Variants in FOXK1 observed in about 807,000 individuals in gnomAD.
FOXK1 encodes the protein forkhead box protein K1.
Under a neutral mutation model 51.9 loss-of-function variants are expected in FOXK1, and 19 were observed. The observed-to-expected ratio is 0.37, with a 90% CI of 0.26 to 0.54. The LOEUF (loss-of-function observed/expected upper bound fraction) is 0.54. Ranked by LOEUF, FOXK1 falls within the 20% of genes least tolerant of loss-of-function variation. The pLI, the probability that FOXK1 is intolerant of heterozygous loss-of-function variation, is 0.87. For synonymous variants in FOXK1, 537 were observed against 482.6 expected, an observed-to-expected ratio of 1.11 and a Z score of -1.48; for missense variants, 870 against 1,032.7, an observed-to-expected ratio of 0.84 and a Z score of 2.16.
intron 1 of FOXK1, among the ~76,000 whole-genome samples, chr7:4,721,200 A>G (rs1413509988): frequency 2.0e-5 from 3 of 152,160 alleles, no homozygotes; most frequent in Non-Finnish European, 2.9e-5. Flanking sequence ...GCTTGGCTCA[A>G]TGCAGCAGCT....
Position 4,762,097 on chromosome 7 carries a change from G to C in FOXK1, c.1922-87G>C, listed in dbSNP as rs1780940001. On this transcript the variant is annotated intron_variant, in intron 8 of 8. Coordinates refer to ENST00000328914, the MANE Select transcript of FOXK1 (RefSeq NM_001037165.2). The surrounding 1 kb of genome is among the most constrained non-coding windows in gnomAD (Gnocchi z 5.7). Reference sequence around the variant, plus strand: ...TGCACTGACCTCCGGTTCCGGCTTGGTGGCTTAGCCCCTGTATAGGGGACT... The same window carrying C: ...TGCACTGACCTCCGGTTCCGGCTTGCTGGCTTAGCCCCTGTATAGGGGACT... 10 of 1,446,206 alleles carry C rather than the reference G, an allele frequency of 6.9e-6. No individual in the cohort carries two copies. In the Admixed American group the frequency reaches 9.2e-5, roughly 13 times the overall value. 89.6% of individuals were successfully genotyped at this position (1,446,206 alleles called of 1,614,324 possible). A position where few individuals can be genotyped will look rare whatever the true frequency, so the allele number is the denominator to read the frequency against.
chr7:4,712,731 T>C (rs1220803961), intron 1 of FOXK1, among the ~76,000 whole-genome samples: 1 of 152,182 alleles, frequency 6.6e-6, no homozygotes, highest in African/African-American at 2.4e-5. Context: ...CCCTCTCAGA[T>C]AGGAGATACT....
At position 4,708,779 on chromosome 7, in the gene FOXK1, G is replaced by T. The variant is rs563022017; in HGVS notation, c.560+25911G>T. Among the ~76,000 whole-genome samples the T allele has an allele frequency of 2.6e-5, 4 of 152,208 alleles. No individual in the cohort carries two copies. The East Asian group carries it at 7.8e-4, about 30-fold the overall frequency. The stretch of plus-strand genomic sequence containing the variant: ...AGTGCTGCTTTTAGAAAAGAGGCTG[G>T]TAAGGCCGGGCTTGGTGGCTCACGC... On this transcript the variant is annotated intron_variant, in intron 1 of 8. Coordinates refer to ENST00000328914, the MANE Select transcript of FOXK1 (RefSeq NM_001037165.2).
At chr7:4,737,229 A>T (rs1333835813) in intron 1 of FOXK1, among the ~76,000 whole-genome samples, 1 of 152,314 alleles carries the variant, frequency 6.6e-6, no homozygotes, top group East Asian at 1.9e-4. Flanking sequence ...CCATATTAAC[A>T]TAGGGACTTT....
At chr7:4,720,674 A>T (rs1237343419) in intron 1 of FOXK1, among the ~76,000 whole-genome samples, 1 of 151,220 alleles carries the variant, frequency 6.6e-6, no homozygotes, top group Non-Finnish European at 1.5e-5. Context: ...ACCTGTTGGA[A>T]ACTGGCTTTG....
intron 1 of FOXK1, among the ~76,000 whole-genome samples, chr7:4,719,729 G>T (rs929350322): frequency 1.4e-4 from 22 of 152,044 alleles, no homozygotes; most frequent in African/African-American, 5.3e-4. Flanking sequence ...TGATCCACCC[G>T]CTTTGGCCTC....
rs549119705 is a variant in FOXK1, at chr7:4,753,190, T to C, written c.747-1269T>C. Among the ~76,000 whole-genome samples, 2 of 152,320 alleles carry C rather than the reference T, an allele frequency of 1.3e-5. No individual in the cohort carries two copies. Among genetic ancestry groups the C allele is most frequent in the South Asian group, 4.1e-4 (2 of 4,832 alleles). On this transcript the variant is annotated intron_variant, in intron 2 of 8. Transcript: ENST00000328914. This position sits in a 1 kb window ranked among gnomAD's most constrained non-coding sequence, Gnocchi z 4.9. ...CCCAGACCTGAACTGATCATTAATG[T>C]CAGCTGTCAGGTTTTTCTCAGCCAC...
intron 1 of FOXK1, among the ~76,000 whole-genome samples, chr7:4,713,878 T>C (rs1322466875): frequency 3.3e-5 from 5 of 152,024 alleles, no homozygotes; most frequent in Non-Finnish European, 7.4e-5. Flanking sequence ...CAGGCTGGAG[T>C]GCAGTGGCGT....
chr7:4,682,504 G>A lies in FOXK1; in HGVS notation c.196G>A (p.Ala66Thr). 1.9e-6 allele frequency: 2 copies of A among 1,043,664 alleles called. No individual in the cohort carries two copies. Among genetic ancestry groups the A allele is most frequent in the Non-Finnish European group, 2.3e-6 (2 of 869,928 alleles). 64.7% of individuals were successfully genotyped at this position (1,043,664 alleles called of 1,614,324 possible). A position where few individuals can be genotyped will look rare whatever the true frequency, so the allele number is the denominator to read the frequency against. Residue 66 changes from alanine to threonine, a missense_variant, in exon 1 of 9, where the codon GCG becomes ACG. Transcript: ENST00000328914. This position sits in a 1 kb window ranked among gnomAD's most constrained non-coding sequence, Gnocchi z 7.6. ...ACCGCCGCTGCCTCCGGGCGCGATCGCGGGCGCGGGCTCCTCCGGGGGCTC... is the reference window on the plus strand; with the variant it reads ...ACCGCCGCTGCCTCCGGGCGCGATCACGGGCGCGGGCTCCTCCGGGGGCTC... ...PPPPLPPGAI[A>T]GAGSSGGSSG...
At position 4,762,229 on chromosome 7, in the gene FOXK1, C is replaced by A; in HGVS notation, c.1967C>A (p.Ser656Tyr). 1 of 1,554,818 alleles carries A rather than the reference C, an allele frequency of 6.4e-7. No individual in the cohort carries two copies. The highest frequency in any genetic ancestry group is 2.4e-5 in the East Asian group (1 of 41,040). ...CTCCTTGCGACCCAAGCGAGTTCAT[C>A]CGCGCCGGTGGTGGTCACCCGGGTG... ...LQLLATQASS[S>Y]APVVVTRVCE... Residue 656 changes from serine to tyrosine, a missense_variant, in exon 9 of 9, where the codon TCC (serine) becomes TAC (tyrosine). Ser to Tyr is a moderately radical substitution (Grantham distance 144). Transcript: ENST00000328914. This position sits in a 1 kb window ranked among gnomAD's most constrained non-coding sequence, Gnocchi z 5.7.
intron 1 of FOXK1, among the ~76,000 whole-genome samples, chr7:4,695,498 G>A (rs55705271): frequency 1.3e-5 from 2 of 152,130 alleles, no homozygotes; most frequent in Non-Finnish European, 2.9e-5. Context: ...ATGTGTGGCT[G>A]TTGAGTGTTT....
intron 1 of FOXK1, among the ~76,000 whole-genome samples, chr7:4,693,072 G>A (rs1213183425): frequency 3.9e-5 from 6 of 152,146 alleles, no homozygotes; most frequent in Admixed American, 6.6e-5. Context: ...ACTGTGTTAC[G>A]TTAAAACCTA....
rs1779759858 is a variant in FOXK1 at position 4,682,469 on chromosome 7, CGCCGCCGCCACCGCCGCT to C, written c.165_182del (p.Pro57_Pro62del). 1.0e-6 allele frequency: 1 copy of C among 985,736 alleles called. No individual in the cohort carries two copies. The highest frequency in any genetic ancestry group is 1.2e-6 in the Non-Finnish European group (1 of 831,924). 61.1% of individuals were successfully genotyped at this position (985,736 alleles called of 1,614,324 possible). A position where few individuals can be genotyped will look rare whatever the true frequency, so the allele number is the denominator to read the frequency against. On this transcript the variant is annotated inframe_deletion, in exon 1 of 9. Coordinates refer to ENST00000328914, the MANE Select transcript of FOXK1 (RefSeq NM_001037165.2). This position sits in a 1 kb window ranked among gnomAD's most constrained non-coding sequence, Gnocchi z 7.6. Reference sequence around the variant, plus strand: ...CCCCAGCCTCCGCCCGGGCCGCCGCCGCCGCCGCCACCGCCGCTGCCTCCGGGCGCGATCGCGGGCGCG... The same window carrying C: ...CCCCAGCCTCCGCCCGGGCCGCCGCCGCCTCCGGGCGCGATCGCGGGCGCG...
rs182697832 is a variant in FOXK1, at chr7:4,768,892, G to T, written c.*6428G>T. ...GTCCTTGGAGAATGAAACCCTGAGG[G>T]TCAGTGAGTGGAGGCCTTCCCTCGG... is the stretch of plus-strand genomic sequence containing the variant. On this transcript the variant is annotated 3_prime_UTR_variant, in exon 9 of 9. Transcript: ENST00000328914. 1.3e-5 allele frequency: 2 copies of T among 152,384 alleles called. No individual in the cohort carries two copies. The highest frequency in any genetic ancestry group is 1.5e-5 in the Non-Finnish European group (1 of 68,064). 9.4% of individuals were successfully genotyped at this position (152,384 alleles called of 1,614,324 possible).
Position 4,762,842 on chromosome 7 carries a change from C to G in FOXK1, c.*378C>G, listed in dbSNP as rs1460573739. On this transcript the variant is annotated 3_prime_UTR_variant, in exon 9 of 9. Transcript: ENST00000328914. This position sits in a 1 kb window ranked among gnomAD's most constrained non-coding sequence, Gnocchi z 5.7. ...GCGCTGCACGGCCAGCCGCCTTTGT[C>G]CGGGAGGACAGACAGAAACGCAGCA... The G allele has an allele frequency of 4.9e-6, 1 of 203,632 alleles. No homozygotes were observed. The highest frequency in any genetic ancestry group is 1.0e-5 in the Non-Finnish European group (1 of 99,606). The allele number at this position is 203,632 out of a possible 1,614,324, so 12.6% of individuals were successfully genotyped here. A position where few individuals can be genotyped will look rare whatever the true frequency, so the allele number is the denominator to read the frequency against.
rs536591759 is a variant in FOXK1 at position 4,739,721 on chromosome 7, G to A, written c.561-1117G>A. Reference sequence around the variant, plus strand: ...TGGGTGGATAATGCACGCTCTCTGCGACTCCCGCCTGCCGGAGCAGGGGTG... The same window carrying A: ...TGGGTGGATAATGCACGCTCTCTGCAACTCCCGCCTGCCGGAGCAGGGGTG... On this transcript the variant is annotated intron_variant, in intron 1 of 8. Transcript: ENST00000328914. Among the ~76,000 whole-genome samples the A allele has an allele frequency of 7.9e-5, 12 of 152,336 alleles. No homozygotes were observed. In the South Asian group the frequency reaches 1.0e-3, roughly 13 times the overall value.
In FOXK1 at chr7:4,749,379, T is replaced by C. The variant is rs1025334824; in HGVS notation, c.747-5080T>C. ...CTTGGCCGGCTGTTGTGTTTAACAG[T>C]GAGGTCCTAAAAACCCTCTTAGAGC... is the stretch of plus-strand genomic sequence containing the variant. On this transcript the variant is annotated intron_variant, in intron 2 of 8. Coordinates refer to ENST00000328914, the MANE Select transcript of FOXK1 (RefSeq NM_001037165.2). The surrounding 1 kb of genome is among the most constrained non-coding windows in gnomAD (Gnocchi z 6.0). 1.3e-5 allele frequency among the ~76,000 whole-genome samples: 2 copies of C among 152,152 alleles called. No homozygotes were observed. Among genetic ancestry groups the C allele is most frequent in the Non-Finnish European group, 2.9e-5 (2 of 68,010 alleles).
rs369403174 is a variant in FOXK1 at position 4,745,075 on chromosome 7, C to G, written c.746+4052C>G. Among the ~76,000 whole-genome samples the G allele has an allele frequency of 1.2e-4, 19 of 152,352 alleles. No homozygotes were observed. The highest frequency in any genetic ancestry group is 3.8e-4 in the African/African-American group (16 of 41,584). ...GTGTTTACAAACACTCCCTGCCCTTCCCTGCCACCTCCCCACTCTCCTCCT... is the reference window on the plus strand; with the variant it reads ...GTGTTTACAAACACTCCCTGCCCTTGCCTGCCACCTCCCCACTCTCCTCCT... On this transcript the variant is annotated intron_variant, in intron 2 of 8. Coordinates refer to ENST00000328914, the MANE Select transcript of FOXK1 (RefSeq NM_001037165.2). The surrounding 1 kb of genome is among the most constrained non-coding windows in gnomAD (Gnocchi z 4.3).
At position 4,749,892 on chromosome 7, in the gene FOXK1, C is replaced by T. The variant is rs1334790717; in HGVS notation, c.747-4567C>T. Reference sequence around the variant, plus strand: ...TTCTCATCATAACGTGACCCAGCGACCTGTGTGTCCCACAGCCCGTCCGTC... The same window carrying T: ...TTCTCATCATAACGTGACCCAGCGATCTGTGTGTCCCACAGCCCGTCCGTC... On this transcript the variant is annotated intron_variant, in intron 2 of 8. Coordinates refer to ENST00000328914, the MANE Select transcript of FOXK1 (RefSeq NM_001037165.2). This position sits in a 1 kb window ranked among gnomAD's most constrained non-coding sequence, Gnocchi z 6.0. 2.0e-5 allele frequency among the ~76,000 whole-genome samples: 3 copies of T among 152,212 alleles called. No individual in the cohort carries two copies. The highest frequency in any genetic ancestry group is 4.4e-5 in the Non-Finnish European group (3 of 68,040).
Sources: allele counts gnomAD v4.1 joint callset (sites outside exome capture counted in the v4.1 genomes callset), GRCh38; gene constraint gnomAD v4.1.1; non-coding constraint Gnocchi (gnomAD v3.1); transcripts MANE v1.5; gene names NCBI Gene and HGNC (gene_info 2026-07-23, HGNC 2026-07-21).